The following KIF9 variants were observed in gnomAD, a reference collection of about 807,000 sequenced individuals.
KIF9 encodes kinesin-like protein KIF9.
In KIF9, 68 loss-of-function variants were observed where a neutral mutation model predicts 94.8. The ratio of observed to expected loss-of-function variants is 0.72; its 90% CI spans 0.59 to 0.88. The LOEUF is 0.88. KIF9 is among the 40% of genes least tolerant of loss of function. KIF9 has a pLI of 0.00. For missense variants in KIF9, 882 were observed against 982.5 expected (o/e 0.90, Z 1.37); for synonymous variants, 343 against 362.1 (o/e 0.95, Z 0.60).
At chr3:47,269,512 G>A (rs952799003) in intron 5 of KIF9, among the ~76,000 whole-genome samples, 3 of 152,078 alleles carry the variant, frequency 2.0e-5, no homozygotes, top group Admixed American at 2.0e-4. Flanking sequence ...GAACTCATGA[G>A]CTCAAGTGAT....
At chr3:47,235,661 C>A (rs897542915) in intron 19 of KIF9, 44 bp from the exon 20 acceptor site, 1 of 1,477,298 alleles carries the variant, frequency 6.8e-7, no homozygotes, top group African/African-American at 1.4e-5. Context: ...TCAGGATATA[C>A]CCTAGCAGAG....
At chr3:47,269,663 T>G (rs61306046) in intron 5 of KIF9, among the ~76,000 whole-genome samples, 50,768 of 151,310 alleles carry the variant, frequency 0.34, 8,791 homozygotes, top group Middle Eastern at 0.47. Flanking sequence ...GTGCAATGGC[T>G]TAATCTCAGC....
At chr3:47,262,706 T>C (rs1288982087) in intron 9 of KIF9, among the ~76,000 whole-genome samples, 2 of 152,048 alleles carry the variant, frequency 1.3e-5, no homozygotes, top group Non-Finnish European at 2.9e-5. Flanking sequence ...ACAGGAGCAC[T>C]CTCCTTGGAA....
Position 47,282,674 on chromosome 3 carries a change from G to A in KIF9, c.-185C>T. The A allele has an allele frequency of 7.7e-7, 1 of 1,300,168 alleles. No homozygotes were observed. Among genetic ancestry groups the A allele is most frequent in the South Asian group, 1.7e-5 (1 of 58,216 alleles). The allele number at this position is 1,300,168 out of a possible 1,614,324, so 80.5% of individuals were successfully genotyped here. On this transcript the variant is annotated 5_prime_UTR_variant, in exon 1 of 21. Coordinates refer to ENST00000684063, the MANE Select transcript of KIF9 (RefSeq NM_182902.4). The stretch of plus-strand genomic sequence containing the variant: ...GAGGTCCTACGTCGAGGATACGGGT[G>A]AGGTCATGGCCGAATCGGGAAGACG...
intron 9 of KIF9, chr3:47,263,870 A>G (rs183802806): frequency 6.6e-6 from 3 of 457,448 alleles, no homozygotes; most frequent in Non-Finnish European, 1.3e-5. Flanking sequence ...CCATCTGCTC[A>G]TACTGGCCTT....
Position 47,248,102 on chromosome 3 carries a change from G to C in KIF9, c.1060-16C>G, listed in dbSNP as rs1330750576. On this transcript the variant is annotated splice_polypyrimidine_tract_variant and intron_variant, in intron 10 of 20. Transcript: ENST00000684063. ...TGACCATTCTCTGCCGGGAAACATG[G>C]TAGGGTGGGGGCCGACAGGAAGGAT... 1.9e-6 allele frequency: 3 copies of C among 1,605,020 alleles called. No individual in the cohort carries two copies. In the Admixed American group the frequency reaches 5.0e-5, roughly 27 times the overall value.
At chr3:47,279,160 C>A (rs1451227868) in intron 1 of KIF9, among the ~76,000 whole-genome samples, 56 of 54,878 alleles carry the variant, frequency 1.0e-3, no homozygotes, top group African/African-American at 2.7e-3. Context: ...GACCATATCT[C>A]AAAAAAAAAA....
At chr3:47,277,993 A>AGT (rs147140971) in intron 1 of KIF9, among the ~76,000 whole-genome samples, 1,769 of 150,182 alleles carry the variant, frequency 0.012, 14 homozygotes, top group Middle Eastern at 0.038. Context: ...ATTTTCTTTC[A>AGT]GTGTGTGTGT....
chr3:47,246,520 T>C (rs1699934990), intron 12 of KIF9: 1 of 253,688 alleles, frequency 3.9e-6, no homozygotes, highest in Non-Finnish European at 7.4e-6. Context: ...TAAAATGAAA[T>C]GATTCTATAC....
chr3:47,254,234 G>A (rs1700435647), intron 10 of KIF9, among the ~76,000 whole-genome samples: 1 of 152,240 alleles, frequency 6.6e-6, no homozygotes, highest in Non-Finnish European at 1.5e-5. Context: ...AAGGCGGGCA[G>A]ATCACCTGAG....
At chr3:47,234,577 T>TA (rs1698873704) in intron 20 of KIF9, among the ~76,000 whole-genome samples, 1 of 147,486 alleles carries the variant, frequency 6.8e-6, no homozygotes, top group Middle Eastern at 3.2e-3. Flanking sequence ...TTTTTTGAGA[T>TA]AGAGTTTCGC....
At chr3:47,250,067 A>C (rs930451132) in intron 10 of KIF9, among the ~76,000 whole-genome samples, 2 of 151,026 alleles carry the variant, frequency 1.3e-5, no homozygotes, top group African/African-American at 4.9e-5. Flanking sequence ...AAAAAATTGT[A>C]ATACCTTCTC....
chr3:47,257,789 C>T (rs1172797146), intron 9 of KIF9, among the ~76,000 whole-genome samples: 1 of 152,188 alleles, frequency 6.6e-6, no homozygotes, highest in African/African-American at 2.4e-5. Flanking sequence ...GCCTGGTCCT[C>T]GTCATGTAGA....
chr3:47,228,458 C>T lies in KIF9; in HGVS notation c.*194G>A. On this transcript the variant is annotated 3_prime_UTR_variant, in exon 21 of 21. Coordinates refer to ENST00000684063, the MANE Select transcript of KIF9 (RefSeq NM_182902.4). ...GCATATAAGACAGTGAATTAAAACC[C>T]AAAGTGCTCTGTGGAGATGAGCAAG... 1 of 639,942 alleles carries T rather than the reference C, an allele frequency of 1.6e-6. No homozygotes were observed. Among genetic ancestry groups the T allele is most frequent in the Non-Finnish European group, 2.8e-6 (1 of 352,636 alleles). 39.6% of individuals were successfully genotyped at this position (639,942 alleles called of 1,614,324 possible).
At chr3:47,236,955 C>T (rs1699070132) in intron 17 of KIF9, among the ~76,000 whole-genome samples, 1 of 152,216 alleles carries the variant, frequency 6.6e-6, no homozygotes, top group South Asian at 2.1e-4. Flanking sequence ...CCCTAGTATA[C>T]AAATGTCTAT....
At chr3:47,267,151 C>T (rs1559460047) in intron 6 of KIF9, 29 bp downstream of exon 6, 6 of 1,604,590 alleles carry the variant, frequency 3.7e-6, no homozygotes, top group African/African-American at 1.3e-5. Context: ...GACTGCCCCG[C>T]CTGGGCTGAT....
chr3:47,266,313 A>C (rs1476748668), intron 7 of KIF9, among the ~76,000 whole-genome samples: 1 of 152,220 alleles, frequency 6.6e-6, no homozygotes, highest in Non-Finnish European at 1.5e-5. Context: ...TATTTATTTG[A>C]AATACTCATG....
At position 47,253,444 on chromosome 3, in the gene KIF9, C is replaced by T. The variant is rs116320601; in HGVS notation, c.1059+4039G>A. ...GTGCTGGGATTACAGGCATGAGCCA[C>T]GCACCCGGCCCAGTGATTTTTTTTT... On this transcript the variant is annotated intron_variant, in intron 10 of 20. Coordinates refer to ENST00000684063, the MANE Select transcript of KIF9 (RefSeq NM_182902.4). Among the ~76,000 whole-genome samples, 580 of 150,488 alleles carry T rather than the reference C, an allele frequency of 3.9e-3. 6 individuals carry two copies. The highest frequency in any genetic ancestry group is 0.013 in the African/African-American group (552 of 41,150).
chr3:47,243,242 G>A lies in KIF9; in HGVS notation c.1518C>T (p.Ser506=), dbSNP rs902926458. The part of the protein sequence containing the change: ...SKKTFKEPLS[S]LARKEGASSP... ...TGCTGGCACCTTCCTTTCTTGCCAA[G>A]GAGCTGGAAGAAGGCACGGAAGCCC... The change falls in exon 16 of 21, where the codon TCC becomes TCT. Residue 506 remains serine (S), a synonymous_variant. Transcript: ENST00000684063. The A allele has an allele frequency of 1.9e-6, 3 of 1,607,390 alleles. No individual in the cohort carries two copies. In the South Asian group the frequency reaches 3.3e-5, roughly 18 times the overall value.
Sources: allele counts gnomAD v4.1 joint callset (sites outside exome capture counted in the v4.1 genomes callset), GRCh38; gene constraint gnomAD v4.1.1; transcripts MANE v1.5; gene names NCBI Gene and HGNC (gene_info 2026-07-23, HGNC 2026-07-21).